The following PCDH11Y variants were observed in gnomAD, a reference collection of about 807,000 sequenced individuals.
The protein encoded by PCDH11Y is protocadherin-11 Y-linked.
For synonymous variants in PCDH11Y, 9 were observed against 83.6 expected (o/e 0.11, Z 4.87); for missense variants, 12 against 224.8 (o/e 0.05, Z 6.05).
intron 2 of PCDH11Y, among the ~76,000 whole-genome samples, chrY:5,481,866 A>G (rs2124685868): frequency 3.1e-5 from 1 of 32,037 alleles, no homozygotes; most frequent in African/African-American, 1.2e-4. Flanking sequence ...TATATTATCT[A>G]TCCTGCAGAT....
intron 1 of PCDH11Y, among the ~76,000 whole-genome samples, chrY:5,068,879 C>G (rs2124630301): frequency 3.1e-5 from 1 of 32,733 alleles, no homozygotes; most frequent in South Asian, 7.0e-4. Context: ...TTAAATTAAA[C>G]AGGGACAACC....
At chrY:5,329,398 A>G in intron 2 of PCDH11Y, among the ~76,000 whole-genome samples, 1 of 31,911 alleles carries the variant, frequency 3.1e-5, no homozygotes, top group Non-Finnish European at 7.6e-5. Flanking sequence ...AGGCACAGAG[A>G]TAAGAGGTTG....
chrY:5,346,657 C>T, intron 2 of PCDH11Y, among the ~76,000 whole-genome samples: 4 of 31,924 alleles, frequency 1.3e-4, no homozygotes, highest in African/African-American at 2.5e-4. Flanking sequence ...CCACCATGCC[C>T]GGCTAATTTT....
At chrY:5,125,325 G>C in intron 2 of PCDH11Y, among the ~76,000 whole-genome samples, 1 of 33,037 alleles carries the variant, frequency 3.0e-5, no homozygotes, top group Non-Finnish European at 7.4e-5. Flanking sequence ...TGAGATAGCT[G>C]CTTAGCTGGC....
chrY:5,393,370 C>A (rs1602918269), intron 2 of PCDH11Y, among the ~76,000 whole-genome samples: 3 of 23,511 alleles, frequency 1.3e-4, no homozygotes, highest in Non-Finnish European at 2.9e-4. Context: ...AGCCACCACA[C>A]CCAGCTGACA....
chrY:5,193,812 G>C, intron 2 of PCDH11Y, among the ~76,000 whole-genome samples: 1 of 32,607 alleles, frequency 3.1e-5, no homozygotes. Context: ...TTACCCAAAG[G>C]AATGTAGTTG....
intron 2 of PCDH11Y, among the ~76,000 whole-genome samples, chrY:5,341,908 G>C: frequency 3.6e-5 from 1 of 27,422 alleles, no homozygotes; most frequent in Non-Finnish European, 8.4e-5. Flanking sequence ...AGTGAGCGGG[G>C]ATCGGGCCAC....
chrY:5,351,506 CTGATTTTTGTTGCCTAAAAGCA>C (rs2053159260), intron 2 of PCDH11Y, among the ~76,000 whole-genome samples: 4 of 31,234 alleles, frequency 1.3e-4, no homozygotes, highest in African/African-American at 3.7e-4. Flanking sequence ...CCAATGGAAG[CTGATTTTTGTTGCCTAAAAGCA>C]TGATTTTTAT....
intron 2 of PCDH11Y, among the ~76,000 whole-genome samples, chrY:5,403,493 G>A (rs368640970): frequency 3.1e-5 from 1 of 31,811 alleles, no homozygotes; most frequent in Non-Finnish European, 7.6e-5. Flanking sequence ...TATTATATGC[G>A]TTATGAAGGA....
exon 5 of PCDH11Y, chrY:5,741,035 C>G: frequency 9.1e-5 from 2 of 21,993 alleles, no homozygotes. Flanking sequence ...TGTGTTTTAA[C>G]TAATATTGTG....
intron 4 of PCDH11Y, among the ~76,000 whole-genome samples, chrY:5,650,250 G>A: frequency 9.1e-5 from 3 of 32,993 alleles, no homozygotes; most frequent in Non-Finnish European, 2.3e-4. Context: ...AAAAACACTA[G>A]AAATAGAAAG....
intron 4 of PCDH11Y, among the ~76,000 whole-genome samples, chrY:5,724,621 A>G: frequency 3.0e-5 from 1 of 33,616 alleles, no homozygotes; most frequent in South Asian, 6.4e-4. Context: ...TTATACAGAA[A>G]ATCTTATGAA....
At chrY:5,356,809 C>T (rs2053166746) in intron 2 of PCDH11Y, among the ~76,000 whole-genome samples, 2 of 24,794 alleles carry the variant, frequency 8.1e-5, no homozygotes, top group African/African-American at 3.3e-4. Flanking sequence ...CACTTAAACC[C>T]GGGAGGCAGA....
intron 1 of PCDH11Y, among the ~76,000 whole-genome samples, chrY:5,081,888 A>G: frequency 3.2e-5 from 1 of 31,739 alleles, no homozygotes; most frequent in Non-Finnish European, 7.7e-5. Flanking sequence ...TGTCCTGGCC[A>G]GAACTTCCAA....
chrY:5,172,161 C>A, intron 2 of PCDH11Y, among the ~76,000 whole-genome samples: 10 of 32,816 alleles, frequency 3.0e-4, no homozygotes. Context: ...GGGACCATTG[C>A]AATAGGTGTA....
chrY:5,535,559 T>A, intron 3 of PCDH11Y, among the ~76,000 whole-genome samples: 1 of 33,931 alleles, frequency 2.9e-5, no homozygotes, highest in South Asian at 6.4e-4. Flanking sequence ...GCTGCAAATG[T>A]GATTATATCA....
intron 3 of PCDH11Y, among the ~76,000 whole-genome samples, chrY:5,580,436 T>G: frequency 3.2e-5 from 1 of 31,614 alleles, no homozygotes; most frequent in East Asian, 8.2e-4. Context: ...AACTCTACAC[T>G]TAAATATTAC....
chrY:5,329,502 C>T (rs2124667159), intron 2 of PCDH11Y, among the ~76,000 whole-genome samples: 2 of 32,203 alleles, frequency 6.2e-5, no homozygotes, highest in Non-Finnish European at 1.5e-4. Context: ...GGGTACTTGC[C>T]CCTGCCCCAG....
At chrY:5,248,925 A>G in intron 2 of PCDH11Y, among the ~76,000 whole-genome samples, 1 of 32,875 alleles carries the variant, frequency 3.0e-5, no homozygotes, top group Non-Finnish European at 7.4e-5. Flanking sequence ...ATTCCTATAC[A>G]CCAACAACAG....
Sources: allele counts gnomAD v4.1 joint callset (sites outside exome capture counted in the v4.1 genomes callset), GRCh38; gene constraint gnomAD v4.1.1; transcripts MANE v1.5; gene names NCBI Gene and HGNC (gene_info 2026-07-23, HGNC 2026-07-21).